Variants in TFCP2L1 observed in about 807,000 individuals in gnomAD.
TFCP2L1 encodes transcription factor CP2 like 1, also known as transcription factor CP2-like protein 1.
A neutral mutation model predicts 72.2 loss-of-function variants in TFCP2L1; 12 were observed. The ratio of observed to expected loss-of-function variants is 0.17; its 90% CI spans 0.11 to 0.27. TFCP2L1 has a LOEUF of 0.27. TFCP2L1 is among the 10% of genes least tolerant of loss of function. TFCP2L1 has a pLI of 1.00. For missense variants in TFCP2L1, 488 were observed against 624.6 expected (o/e 0.78, Z 2.33); for synonymous variants, 260 against 251.0 (o/e 1.04, Z -0.34).
chr2:121,279,311 A>G (rs553592212), intron 2 of TFCP2L1, among the ~76,000 whole-genome samples: 1 of 152,358 alleles, frequency 6.6e-6, no homozygotes, highest in South Asian at 2.1e-4. Context: ...CCTTCCATGA[A>G]AGTGAAAGGC....
At chr2:121,238,964 C>A (rs1372446042) in intron 8 of TFCP2L1, among the ~76,000 whole-genome samples, 1 of 152,142 alleles carries the variant, frequency 6.6e-6, no homozygotes, top group Non-Finnish European at 1.5e-5. Context: ...TCCACCCCTG[C>A]TGCCAGCACA....
At chr2:121,231,761 G>A (rs995713595) in intron 13 of TFCP2L1, 65 bp downstream of exon 13, 177 of 1,582,466 alleles carry the variant, frequency 1.1e-4, no homozygotes, top group Non-Finnish European at 2.1e-5. Context: ...TCTGGGGCAG[G>A]GGTTCTGACA....
At chr2:121,275,154 G>A (rs1687119368) in intron 2 of TFCP2L1, among the ~76,000 whole-genome samples, 1 of 152,078 alleles carries the variant, frequency 6.6e-6, no homozygotes, top group African/African-American at 2.4e-5. Context: ...GGAGGCCAAG[G>A]CAGGTGGATC....
At chr2:121,277,777 A>G (rs1386640225) in intron 2 of TFCP2L1, among the ~76,000 whole-genome samples, 1 of 152,234 alleles carries the variant, frequency 6.6e-6, no homozygotes, top group African/African-American at 2.4e-5. Flanking sequence ...AATGAAAAAA[A>G]GGATATATGT....
intron 12 of TFCP2L1, 139 bp from the exon 13 acceptor site, chr2:121,232,107 T>TTTTTTTTTTG: frequency 1.9e-6 from 1 of 532,928 alleles, no homozygotes; most frequent in South Asian, 3.0e-5. Context: ...ACTGCCACTC[T>TTTTTTTTTTG]TTTTGTTTTG....
At chr2:121,253,492 G>A (rs1686652206) in intron 2 of TFCP2L1, among the ~76,000 whole-genome samples, 1 of 152,118 alleles carries the variant, frequency 6.6e-6, no homozygotes, top group Admixed American at 6.5e-5. Context: ...TTTTTCCAAT[G>A]TCCTCTGCCT....
At chr2:121,239,492 G>A in intron 8 of TFCP2L1, 66 bp downstream of exon 8, 1 of 1,560,098 alleles carries the variant, frequency 6.4e-7, no homozygotes, top group Non-Finnish European at 8.8e-7. Context: ...CAGAAAGGAA[G>A]ACTAAGAAAG....
chr2:121,253,321 T>C (rs574145011), intron 2 of TFCP2L1, among the ~76,000 whole-genome samples: 6 of 152,376 alleles, frequency 3.9e-5, no homozygotes, highest in African/African-American at 1.4e-4. Context: ...CCTGCCCACT[T>C]GCCTGTTCAG....
chr2:121,283,525 C>T (rs1050373854), intron 1 of TFCP2L1, among the ~76,000 whole-genome samples: 2 of 152,178 alleles, frequency 1.3e-5, no homozygotes, highest in Admixed American at 6.5e-5. Flanking sequence ...CCACTCCCAA[C>T]GCTCACCCTC....
At chr2:121,274,989 T>G (rs1459006882) in intron 2 of TFCP2L1, among the ~76,000 whole-genome samples, 4 of 152,034 alleles carry the variant, frequency 2.6e-5, no homozygotes, top group Admixed American at 1.3e-4. Context: ...CTATAGAACT[T>G]CCATTCTATT....
At chr2:121,235,927 C>G (rs1000262849) in intron 10 of TFCP2L1, among the ~76,000 whole-genome samples, 1 of 152,140 alleles carries the variant, frequency 6.6e-6, no homozygotes, top group Admixed American at 6.5e-5. Flanking sequence ...CACCCCTACT[C>G]CCACCCAGGG....
At chr2:121,282,177 C>T (rs968523413) in intron 1 of TFCP2L1, among the ~76,000 whole-genome samples, 87 of 151,922 alleles carry the variant, frequency 5.7e-4, no homozygotes, top group African/African-American at 2.0e-3. Context: ...AGGTGATCCA[C>T]CCTCCTCGGC....
At chr2:121,249,966 C>T (rs777128972) in intron 2 of TFCP2L1, among the ~76,000 whole-genome samples, 8 of 152,232 alleles carry the variant, frequency 5.3e-5, no homozygotes, top group Non-Finnish European at 1.2e-4. Context: ...CAAACTCATA[C>T]ATCTTTACAA....
Position 121,218,484 on chromosome 2 carries a change from T to G in TFCP2L1, c.*5857A>C, listed in dbSNP as rs1685873120. The G allele has an allele frequency of 6.6e-6, 1 of 152,538 alleles. No homozygotes were observed. Among genetic ancestry groups the G allele is most frequent in the Non-Finnish European group, 1.5e-5 (1 of 68,312 alleles). 9.4% of individuals were successfully genotyped at this position (152,538 alleles called of 1,614,324 possible). A position where few individuals can be genotyped will look rare whatever the true frequency, so the allele number is the denominator to read the frequency against. ...GAGCTGAGGATGTTGTTCTCTTTGA[T>G]GAAGGCCTGAAAACTTCCCCTGGCC... On this transcript the variant is annotated 3_prime_UTR_variant, in exon 15 of 15. Coordinates refer to ENST00000263707, the MANE Select transcript of TFCP2L1 (RefSeq NM_014553.3).
chr2:121,238,397 G>C (rs910055529), intron 8 of TFCP2L1, among the ~76,000 whole-genome samples: 3 of 152,164 alleles, frequency 2.0e-5, no homozygotes, highest in African/African-American at 4.8e-5. Flanking sequence ...CTCCCGAGAG[G>C]GGGTGCACAA....
At chr2:121,281,364 G>C (rs35023952) in intron 1 of TFCP2L1, 93 bp from the exon 2 acceptor site, 2 of 1,431,178 alleles carry the variant, frequency 1.4e-6, no homozygotes, top group Non-Finnish European at 1.9e-6. Flanking sequence ...GCAGACCACC[G>C]GGGCCCAGGG....
intron 2 of TFCP2L1, among the ~76,000 whole-genome samples, chr2:121,266,193 C>T (rs1418332883): frequency 2.0e-5 from 3 of 150,890 alleles, no homozygotes; most frequent in Non-Finnish European, 4.4e-5. Context: ...TAATTCTAAC[C>T]ATAGCACAGT....
intron 5 of TFCP2L1, among the ~76,000 whole-genome samples, chr2:121,247,860 T>C (rs1686520805): frequency 6.6e-6 from 1 of 152,146 alleles, no homozygotes; most frequent in Non-Finnish European, 1.5e-5. Context: ...GAAACTATAA[T>C]AGAAAAAATG....
At chr2:121,280,815 A>AG (rs1687241691) in intron 2 of TFCP2L1, among the ~76,000 whole-genome samples, 2 of 96,644 alleles carry the variant, frequency 2.1e-5, no homozygotes, top group Admixed American at 2.4e-4. Flanking sequence ...GGAGGGAGGG[A>AG]GGGAGGGAAA....
Sources: gnomAD v4.1 joint callset for allele counts (sites outside exome capture counted in the v4.1 genomes callset) on GRCh38, gnomAD v4.1.1 for gene constraint, MANE v1.5 for transcripts, NCBI Gene and HGNC (gene_info 2026-07-23, HGNC 2026-07-21) for gene names.